Variants in DLEU7 observed in about 807,000 individuals in gnomAD.
DLEU7 encodes deleted in lymphocytic leukemia 7, also known as leukemia-associated protein 7.
A neutral mutation model predicts 16.0 loss-of-function variants in DLEU7; 17 were observed. That is an observed-to-expected ratio of 1.06 (90% CI 0.73 to 1.59). The LOEUF (loss-of-function observed/expected upper bound fraction) is 1.59, where lower values mean the gene tolerates loss of function less well. Ranked by LOEUF, DLEU7 falls within the 40% of genes most tolerant of loss-of-function variation. DLEU7 has a pLI of 0.00. For synonymous variants in DLEU7, 113 were observed against 139.8 expected, an observed-to-expected ratio of 0.81 and a Z score of 1.35; for missense variants, 308 against 314.9, an observed-to-expected ratio of 0.98 and a Z score of 0.17.
intron 1 of DLEU7, among the ~76,000 whole-genome samples, chr13:50,776,114 C>T (rs961818614): frequency 6.6e-6 from 1 of 151,970 alleles, no homozygotes; most frequent in Non-Finnish European, 1.5e-5. Flanking sequence ...TTTTTATAAT[C>T]TCTCTCTGGG....
At chr13:50,825,440 A>G (rs181432246) in intron 1 of DLEU7, among the ~76,000 whole-genome samples, 38 of 152,308 alleles carry the variant, frequency 2.5e-4, no homozygotes, top group Admixed American at 1.4e-3. Context: ...ATGGCCCACA[A>G]GTGTTCAGTG....
chr13:50,794,210 C>A (rs1283901603), intron 1 of DLEU7, among the ~76,000 whole-genome samples: 1 of 152,054 alleles, frequency 6.6e-6, no homozygotes, highest in African/African-American at 2.4e-5. Context: ...CAGCCAAGCA[C>A]AGGTCAATAG....
In DLEU7 at chr13:50,741,350, T is replaced by G. The variant is rs1211081876; in HGVS notation, c.460-28110A>C. The stretch of plus-strand genomic sequence containing the variant: ...ACATCTATTCTGAAGATATGGCTCA[T>G]GAACCACCTAAATCAGAAAGCCATG... On this transcript the variant is annotated intron_variant, in intron 1 of 1. Transcript: ENST00000400393. Among the ~76,000 whole-genome samples the G allele has an allele frequency of 2.6e-5, 4 of 152,200 alleles. No homozygotes were observed. In the East Asian group the frequency reaches 7.7e-4, roughly 29 times the overall value.
At chr13:50,829,016 T>C (rs1877178202) in intron 1 of DLEU7, among the ~76,000 whole-genome samples, 1 of 152,232 alleles carries the variant, frequency 6.6e-6, no homozygotes, top group Admixed American at 6.5e-5. Flanking sequence ...AAGATGGCAT[T>C]GAATGCAGCC....
At chr13:50,738,958 AT>A (rs1186396430) in intron 1 of DLEU7, among the ~76,000 whole-genome samples, 1 of 139,320 alleles carries the variant, frequency 7.2e-6, no homozygotes, top group East Asian at 2.1e-4. Context: ...CCTCTAAAAA[AT>A]AATACACACA....
In DLEU7 at chr13:50,843,561, C is replaced by G; in HGVS notation, c.86G>C (p.Gly29Ala). The change falls in exon 1 of 2, where the codon GGC (glycine) becomes GCC (alanine). Residue 29 changes from glycine (G) to alanine (A), a missense_variant. Physicochemically the swap from Gly to Ala is moderately conservative, Grantham distance 60. Transcript: ENST00000504404. This position sits in a 1 kb window ranked among gnomAD's most constrained non-coding sequence, Gnocchi z 5.7. ...QTLQLLQQEW[G>A]WGDGPVAPGN... ...GGGGGCGACTGGACCGTCCCCCCAG[C>G]CCCACTCCTGCTGCAGCAGCTGCAA... 6.7e-7 allele frequency: 1 copy of G among 1,487,996 alleles called. No individual in the cohort carries two copies. The highest frequency in any genetic ancestry group is 1.5e-5 in the African/African-American group (1 of 68,354). 92.2% of individuals were successfully genotyped at this position (1,487,996 alleles called of 1,614,324 possible).
chr13:50,820,935 A>C (rs1000103001), downstream of DLEU7, among the ~76,000 whole-genome samples: 1 of 152,108 alleles, frequency 6.6e-6, no homozygotes, highest in East Asian at 1.9e-4. Flanking sequence ...TTTAGTAATA[A>C]GTTTTCAAAA....
At position 50,796,568 on chromosome 13, in the gene DLEU7, C is replaced by T. The variant is rs515061; in HGVS notation, c.459+46620G>A. Among the ~76,000 whole-genome samples, 464 of 152,232 alleles carry T rather than the reference C, an allele frequency of 3.0e-3. 4 individuals are homozygous for T. The highest frequency in any genetic ancestry group is 0.011 in the African/African-American group (440 of 41,556). On this transcript the variant is annotated intron_variant, in intron 1 of 1. Coordinates refer to the DLEU7 transcript ENST00000400393. ...AATCTTTTTGAATTGCAGTTGGCCA[C>T]AGTTAACAAAAAACTCAGAAACTGA...
chr13:50,766,179 A>G (rs592333), intron 1 of DLEU7, among the ~76,000 whole-genome samples: 75,624 of 151,976 alleles, frequency 0.5, 19,517 homozygotes, highest in East Asian at 0.8. Context: ...TATGTTGATT[A>G]AGTCATGTAA....
At chr13:50,802,756 C>A (rs1021404426) in intron 1 of DLEU7, among the ~76,000 whole-genome samples, 13 of 152,210 alleles carry the variant, frequency 8.5e-5, no homozygotes, top group African/African-American at 3.1e-4. Flanking sequence ...CAGGAGGCGA[C>A]CTGAATTACT....
chr13:50,727,808 C>T (rs1352907220), intron 1 of DLEU7, among the ~76,000 whole-genome samples: 1 of 152,238 alleles, frequency 6.6e-6, no homozygotes, highest in Non-Finnish European at 1.5e-5. Context: ...ACTGCTGTGA[C>T]TTTGGGTTAT....
At chr13:50,770,536 G>T (rs948830197) in intron 1 of DLEU7, among the ~76,000 whole-genome samples, 1 of 152,106 alleles carries the variant, frequency 6.6e-6, no homozygotes, top group Non-Finnish European at 1.5e-5. Flanking sequence ...TAATCATGTG[G>T]TTTTTGTCTT....
intron 1 of DLEU7, among the ~76,000 whole-genome samples, chr13:50,815,659 T>A (rs1254163785): frequency 6.6e-6 from 1 of 152,136 alleles, no homozygotes; most frequent in Non-Finnish European, 1.5e-5. Flanking sequence ...CTAAATGCTC[T>A]AGATGAACTT....
chr13:50,822,058 G>GCACA (rs144274511), downstream of DLEU7, among the ~76,000 whole-genome samples: 5 of 149,772 alleles, frequency 3.3e-5, no homozygotes, highest in African/African-American at 4.9e-5. Flanking sequence ...ACACATGAGC[G>GCACA]CACACACACA....
intron 1 of DLEU7, among the ~76,000 whole-genome samples, chr13:50,721,112 G>A (rs990636919): frequency 1.3e-5 from 2 of 152,222 alleles, no homozygotes; most frequent in African/African-American, 4.8e-5. Flanking sequence ...GCAGGCAGAA[G>A]AAGGTGGGAG....
downstream of DLEU7, among the ~76,000 whole-genome samples, chr13:50,819,286 C>G (rs141050525): frequency 1.6e-3 from 241 of 152,128 alleles, 1 homozygote; most frequent in African/African-American, 5.5e-3. Context: ...TAGGATTAAT[C>G]GTTGTCATAT....
At chr13:50,814,086 A>C (rs2137793286) in intron 1 of DLEU7, among the ~76,000 whole-genome samples, 1 of 152,260 alleles carries the variant, frequency 6.6e-6, no homozygotes, top group South Asian at 2.1e-4. Context: ...TTTAATATAG[A>C]GCTTACCAAC....
intron 1 of DLEU7, among the ~76,000 whole-genome samples, chr13:50,764,760 G>A (rs1875048606): frequency 6.6e-6 from 1 of 152,168 alleles, no homozygotes; most frequent in South Asian, 2.1e-4. Flanking sequence ...CCATCAGATA[G>A]TCCATGAAAT....
At chr13:50,733,051 C>A (rs1346853320) in intron 1 of DLEU7, among the ~76,000 whole-genome samples, 1 of 152,214 alleles carries the variant, frequency 6.6e-6, no homozygotes, top group Non-Finnish European at 1.5e-5. Context: ...CACACACACA[C>A]AGTTGACTAC....
Sources: allele counts gnomAD v4.1 joint callset (sites outside exome capture counted in the v4.1 genomes callset), GRCh38; gene constraint gnomAD v4.1.1; non-coding constraint Gnocchi (gnomAD v3.1); transcripts MANE v1.5; gene names NCBI Gene and HGNC (gene_info 2026-07-23, HGNC 2026-07-21).